Variants in RAB38 observed in about 807,000 individuals in gnomAD.
The protein encoded by RAB38 is RAB38, member RAS oncogene family.
Under a neutral mutation model 18.4 loss-of-function variants are expected in RAB38, and 15 were observed. The ratio of observed to expected loss-of-function variants is 0.82; its 90% CI spans 0.55 to 1.26. RAB38 has a LOEUF of 1.26. Ranked by LOEUF, RAB38 falls within the 50% of genes most tolerant of loss-of-function variation. The probability of loss-of-function intolerance (pLI) is 0.00; values close to 1 mark genes in which losing one functional copy is unlikely to be tolerated. For missense variants in RAB38, 294 were observed against 267.4 expected (o/e 1.10, Z -0.69); for synonymous variants, 101 against 104.4 (o/e 0.97, Z 0.20).
At chr11:87,914,793 C>T in the RAB38 span, among the ~76,000 whole-genome samples, 1 of 152,178 alleles carries the variant, frequency 6.6e-6, no homozygotes, top group African/African-American at 2.4e-5. Context: ...TTTCAGGACA[C>T]TGCTTCTTGC....
chr11:87,847,349 A>G, the RAB38 span, among the ~76,000 whole-genome samples: 1 of 152,168 alleles, frequency 6.6e-6, no homozygotes, highest in Non-Finnish European at 1.5e-5. Flanking sequence ...CATTAAAAGA[A>G]CAAAGAATAT....
the RAB38 span, among the ~76,000 whole-genome samples, chr11:88,031,606 T>C: frequency 1.3e-5 from 2 of 151,776 alleles, no homozygotes; most frequent in African/African-American, 4.8e-5. Flanking sequence ...GAGAGCCAAA[T>C]CATGAGTGAA....
intron 2 of RAB38, among the ~76,000 whole-genome samples, chr11:88,129,091 AAAAT>A (rs1942738218): frequency 6.6e-6 from 1 of 152,218 alleles, no homozygotes; most frequent in Non-Finnish European, 1.5e-5. Context: ...CATAATTTTA[AAAAT>A]AAATAGAAAA....
chr11:88,021,683 C>T, the RAB38 span, among the ~76,000 whole-genome samples: 6 of 150,432 alleles, frequency 4.0e-5, no homozygotes, highest in South Asian at 6.4e-4. Context: ...CTCTGCCTCT[C>T]GGGTTCAAGC....
At chr11:88,131,868 T>G (rs1317749675) in intron 2 of RAB38, among the ~76,000 whole-genome samples, 1 of 152,182 alleles carries the variant, frequency 6.6e-6, no homozygotes, top group Non-Finnish European at 1.5e-5. Context: ...GAAATTCTCT[T>G]TCTAACCTTG....
the RAB38 span, among the ~76,000 whole-genome samples, chr11:87,872,144 A>G: frequency 2.6e-5 from 4 of 151,552 alleles, no homozygotes; most frequent in African/African-American, 9.7e-5. Context: ...CTTGTTTGTC[A>G]TTCATTTTTG....
the RAB38 span, among the ~76,000 whole-genome samples, chr11:87,972,791 G>C: frequency 3.3e-5 from 5 of 152,040 alleles, no homozygotes; most frequent in East Asian, 9.7e-4. Flanking sequence ...AAATACCAAC[G>C]TAATATGGTT....
intron 1 of RAB38, among the ~76,000 whole-genome samples, chr11:88,160,770 A>G (rs58094715): frequency 6.6e-6 from 1 of 152,010 alleles, no homozygotes; most frequent in Admixed American, 6.6e-5. Context: ...TATAAGTGGG[A>G]GCTATACATC....
At chr11:88,071,943 G>C in the RAB38 span, among the ~76,000 whole-genome samples, 3 of 152,256 alleles carry the variant, frequency 2.0e-5, no homozygotes, top group African/African-American at 7.2e-5. Flanking sequence ...TGACATTACA[G>C]CCTCACAGGA....
At chr11:87,836,592 C>T in the RAB38 span, among the ~76,000 whole-genome samples, 1 of 152,110 alleles carries the variant, frequency 6.6e-6, no homozygotes, top group African/African-American at 2.4e-5. Flanking sequence ...GATCATTCCT[C>T]CAATCTCTTC....
chr11:88,068,531 C>T, the RAB38 span, among the ~76,000 whole-genome samples: 1 of 152,144 alleles, frequency 6.6e-6, no homozygotes, highest in Admixed American at 6.5e-5. Flanking sequence ...TTACACTATA[C>T]ATTTCTTTTT....
chr11:88,151,431 T>C (rs1416976156), intron 1 of RAB38, among the ~76,000 whole-genome samples: 1 of 152,210 alleles, frequency 6.6e-6, no homozygotes, highest in Admixed American at 6.5e-5. Context: ...CTATTAATGG[T>C]TGCTGAAGAC....
chr11:88,092,859 T>A, the RAB38 span, among the ~76,000 whole-genome samples: 3 of 151,790 alleles, frequency 2.0e-5, no homozygotes, highest in East Asian at 5.8e-4. Flanking sequence ...GAATAAAGTT[T>A]GGGAAAAGAT....
chr11:87,923,550 T>C, the RAB38 span, among the ~76,000 whole-genome samples: 1 of 58,962 alleles, frequency 1.7e-5, no homozygotes. Flanking sequence ...ATTAATTCTG[T>C]GTGTGTGTGT....
At chr11:87,874,972 A>G in the RAB38 span, among the ~76,000 whole-genome samples, 4 of 151,488 alleles carry the variant, frequency 2.6e-5, no homozygotes, top group African/African-American at 4.8e-5. Context: ...GTTGAAATCA[A>G]TATGTTGAAG....
the RAB38 span, among the ~76,000 whole-genome samples, chr11:87,905,519 T>C: frequency 7.9e-5 from 12 of 151,904 alleles, no homozygotes; most frequent in South Asian, 2.1e-4. Context: ...ACTTCAGCTT[T>C]TTTATATTAA....
At chr11:88,011,937 C>G in the RAB38 span, among the ~76,000 whole-genome samples, 3 of 152,118 alleles carry the variant, frequency 2.0e-5, no homozygotes, top group Non-Finnish European at 4.4e-5. Context: ...TTGCTCCATT[C>G]GTGTTGTTCT....
chr11:87,954,477 A>G, the RAB38 span, among the ~76,000 whole-genome samples: 1 of 152,200 alleles, frequency 6.6e-6, no homozygotes, highest in Admixed American at 6.5e-5. Flanking sequence ...ATAGAAAAAG[A>G]AAGATTTTCT....
chr11:87,829,379 A>T, the RAB38 span, among the ~76,000 whole-genome samples: 1 of 152,186 alleles, frequency 6.6e-6, no homozygotes, highest in African/African-American at 2.4e-5. Context: ...AAATTACCTG[A>T]GACTGGGTAA....
Sources: gnomAD v4.1 joint callset for allele counts (sites outside exome capture counted in the v4.1 genomes callset) on GRCh38, gnomAD v4.1.1 for gene constraint, MANE v1.5 for transcripts, NCBI Gene and HGNC (gene_info 2026-07-23, HGNC 2026-07-21) for gene names.